Variants in TBC1D22A observed in about 807,000 individuals in gnomAD.
The protein encoded by TBC1D22A is putative GTPase activator.
A neutral mutation model predicts 60.2 loss-of-function variants in TBC1D22A; 38 were observed. The observed-to-expected ratio is 0.63, with a 90% CI of 0.49 to 0.83. TBC1D22A has a LOEUF of 0.83. Ranked by LOEUF, TBC1D22A falls within the 40% of genes least tolerant of loss-of-function variation. The pLI is 0.00. For missense variants in TBC1D22A, 628 were observed against 701.0 expected, an observed-to-expected ratio of 0.90 and a Z score of 1.18; for synonymous variants, 302 against 281.7, an observed-to-expected ratio of 1.07 and a Z score of -0.72.
At chr22:46,836,415 G>A (rs1333732495) in intron 4 of TBC1D22A, among the ~76,000 whole-genome samples, 1 of 152,066 alleles carries the variant, frequency 6.6e-6, no homozygotes, top group African/African-American at 2.4e-5. Flanking sequence ...TAGATGGTTA[G>A]CACTATGCAT....
intron 1 of TBC1D22A, among the ~76,000 whole-genome samples, chr22:46,787,350 G>C (rs1384092829): frequency 6.6e-6 from 1 of 152,166 alleles, no homozygotes; most frequent in Non-Finnish European, 1.5e-5. Flanking sequence ...GTGGAGTCCT[G>C]CTATGGTTCT....
At chr22:46,936,976 G>A (rs924121040) in intron 8 of TBC1D22A, among the ~76,000 whole-genome samples, 1 of 151,938 alleles carries the variant, frequency 6.6e-6, no homozygotes, top group Admixed American at 6.5e-5. Context: ...TCAGCTGACA[G>A]TCATCATGCT....
chr22:47,019,930 C>T (rs1465646690), intron 10 of TBC1D22A, among the ~76,000 whole-genome samples: 2 of 150,846 alleles, frequency 1.3e-5, no homozygotes, highest in East Asian at 1.9e-4. Flanking sequence ...TCTCCCTTAA[C>T]CCTCCATCAT....
At chr22:46,892,267 A>T (rs2068444839) in intron 6 of TBC1D22A, among the ~76,000 whole-genome samples, 2 of 150,992 alleles carry the variant, frequency 1.3e-5, no homozygotes, top group Admixed American at 1.3e-4. Flanking sequence ...TGGGATAGCC[A>T]CATCTCTTTG....
chr22:47,074,471 A>G (rs564381471), intron 11 of TBC1D22A, among the ~76,000 whole-genome samples: 5 of 152,362 alleles, frequency 3.3e-5, no homozygotes, highest in Middle Eastern at 3.4e-3. Flanking sequence ...GGCAACTTCA[A>G]AACTTTTTCT....
intron 4 of TBC1D22A, among the ~76,000 whole-genome samples, chr22:46,857,629 C>G (rs2087636571): frequency 6.6e-6 from 1 of 152,128 alleles, no homozygotes; most frequent in African/African-American, 2.4e-5. Context: ...CAAGGAAATC[C>G]TGTACCCATT....
intron 8 of TBC1D22A, among the ~76,000 whole-genome samples, chr22:46,960,109 G>A (rs2073415359): frequency 6.6e-6 from 1 of 152,156 alleles, no homozygotes; most frequent in Non-Finnish European, 1.5e-5. Context: ...CAGGCAAAAG[G>A]GCCTGAGTCT....
intron 8 of TBC1D22A, among the ~76,000 whole-genome samples, chr22:46,942,019 A>G (rs2072197184): frequency 7.4e-6 from 1 of 135,334 alleles, no homozygotes; most frequent in South Asian, 2.3e-4. Context: ...ATATATATAT[A>G]TATATATTAT....
intron 2 of TBC1D22A, 73 bp downstream of exon 2, chr22:46,792,649 G>C: frequency 1.9e-6 from 3 of 1,613,328 alleles, no homozygotes; most frequent in Non-Finnish European, 2.5e-6. Context: ...CGGTCTTCCT[G>C]CTTCCTTCCT....
At chr22:46,776,357 T>C (rs190942578) in intron 1 of TBC1D22A, among the ~76,000 whole-genome samples, 356 of 151,080 alleles carry the variant, frequency 2.4e-3, no homozygotes, top group African/African-American at 8.3e-3. Flanking sequence ...GGCTGTATGG[T>C]GGGATGGTGT....
intron 9 of TBC1D22A, among the ~76,000 whole-genome samples, chr22:46,977,411 A>G (rs979102381): frequency 2.6e-5 from 4 of 152,126 alleles, no homozygotes; most frequent in African/African-American, 9.7e-5. Flanking sequence ...GTGAGTCAGC[A>G]TCACCCCTCT....
intron 7 of TBC1D22A, among the ~76,000 whole-genome samples, chr22:46,909,665 T>G (rs2069758325): frequency 6.6e-6 from 1 of 152,144 alleles, no homozygotes; most frequent in African/African-American, 2.4e-5. Context: ...GCTGCTCCTG[T>G]TCTTGTGTGG....
chr22:46,902,888 G>GC, intron 7 of TBC1D22A, among the ~76,000 whole-genome samples: 2 of 150,228 alleles, frequency 1.3e-5, no homozygotes, highest in African/African-American at 5.1e-5. Flanking sequence ...GTGAAACCCA[G>GC]AGAGATCATA....
intron 11 of TBC1D22A, among the ~76,000 whole-genome samples, chr22:47,091,349 T>TG (rs1476361568): frequency 1.4e-5 from 1 of 72,466 alleles, no homozygotes; most frequent in African/African-American, 6.6e-5. Context: ...AAGTCGTCTT[T>TG]GGGGGGAGTG....
At chr22:47,097,130 G>T (rs2065217178) in intron 11 of TBC1D22A, among the ~76,000 whole-genome samples, 1 of 152,224 alleles carries the variant, frequency 6.6e-6, no homozygotes, top group Admixed American at 6.5e-5. Flanking sequence ...TGCTCTTTCT[G>T]TCCGGGGCCT....
intron 10 of TBC1D22A, among the ~76,000 whole-genome samples, chr22:47,036,709 C>G (rs1430537808): frequency 6.6e-6 from 1 of 152,222 alleles, no homozygotes; most frequent in African/African-American, 2.4e-5. Flanking sequence ...GGACACCAGC[C>G]TGGGTCTGTG....
At chr22:46,790,368 C>T (rs1027007870) in intron 1 of TBC1D22A, among the ~76,000 whole-genome samples, 13 of 152,212 alleles carry the variant, frequency 8.5e-5, no homozygotes, top group South Asian at 2.1e-4. Flanking sequence ...ATCCGGATTG[C>T]CCAGGATGGT....
At chr22:46,887,008 G>T (rs1018255697) in intron 5 of TBC1D22A, among the ~76,000 whole-genome samples, 1 of 152,160 alleles carries the variant, frequency 6.6e-6, no homozygotes, top group African/African-American at 2.4e-5. Flanking sequence ...TCATAAACTG[G>T]GCTACATTAA....
chr22:46,821,626 C>T (rs974430128), intron 4 of TBC1D22A, among the ~76,000 whole-genome samples: 1 of 152,134 alleles, frequency 6.6e-6, no homozygotes, highest in Non-Finnish European at 1.5e-5. Flanking sequence ...ATGGGCTTCC[C>T]TTTGTGGGTG....
Sources: gnomAD v4.1 joint callset for allele counts (sites outside exome capture counted in the v4.1 genomes callset) on GRCh38, gnomAD v4.1.1 for gene constraint, MANE v1.5 for transcripts, NCBI Gene and HGNC (gene_info 2026-07-23, HGNC 2026-07-21) for gene names.